The following ARHGAP6 variants were observed in gnomAD, a reference collection of about 807,000 sequenced individuals.
ARHGAP6 encodes the protein rho GTPase-activating protein 6.
A neutral mutation model predicts 55.7 loss-of-function variants in ARHGAP6; 16 were observed. The observed-to-expected ratio is 0.29, with a 90% CI of 0.19 to 0.44. ARHGAP6 has a LOEUF of 0.44. Ranked by LOEUF, ARHGAP6 falls within the 20% of genes least tolerant of loss-of-function variation. The pLI, the probability that ARHGAP6 is intolerant of heterozygous loss-of-function variation, is 1.00. For missense variants in ARHGAP6, 698 were observed against 808.9 expected, an observed-to-expected ratio of 0.86 and a Z score of 1.66; for synonymous variants, 382 against 360.9, an observed-to-expected ratio of 1.06 and a Z score of -0.66.
rs192592967 is a variant in ARHGAP6 at position 11,444,078 on chromosome X, T to A, written c.589-189371A>T. Among the ~76,000 whole-genome samples, 6 of 112,553 alleles carry A rather than the reference T, an allele frequency of 5.3e-5. No individual in the cohort carries two copies. In the East Asian group the frequency reaches 1.1e-3, roughly 21 times the overall value. ...TCTTCTGCCCATTTTTTTCATTGAG[T>A]TATCTGTTTAGAACAGAGGTTGGCA... is the stretch of plus-strand genomic sequence containing the variant. On this transcript the variant is annotated intron_variant, in intron 1 of 12. Transcript: ENST00000337414.
intron 1 of ARHGAP6, among the ~76,000 whole-genome samples, chrX:11,306,119 C>T (rs1203030743): frequency 1.8e-5 from 2 of 111,673 alleles, no homozygotes; most frequent in Admixed American, 9.5e-5. Flanking sequence ...TCTACGTTGG[C>T]TGGCACTCCT....
At chrX:11,202,665 G>A (rs1323049549) in intron 2 of ARHGAP6, among the ~76,000 whole-genome samples, 1 of 107,534 alleles carries the variant, frequency 9.3e-6, no homozygotes, top group Non-Finnish European at 1.9e-5. Flanking sequence ...AAAATTTGCT[G>A]GGTGTGATTG....
intron 1 of ARHGAP6, among the ~76,000 whole-genome samples, chrX:11,480,605 A>C (rs2050446460): frequency 8.9e-6 from 1 of 112,703 alleles, no homozygotes; most frequent in Non-Finnish European, 1.9e-5. Context: ...GAATTGTATA[A>C]GTGAATTACA....
intron 1 of ARHGAP6, among the ~76,000 whole-genome samples, chrX:11,383,017 T>C (rs1247703309): frequency 8.9e-6 from 1 of 112,244 alleles, no homozygotes; most frequent in African/African-American, 3.2e-5. Flanking sequence ...ACATTATTTA[T>C]TAGATACGTT....
intron 1 of ARHGAP6, among the ~76,000 whole-genome samples, chrX:11,596,266 C>T (rs1405792212): frequency 8.9e-6 from 1 of 111,877 alleles, no homozygotes; most frequent in African/African-American, 3.3e-5. Flanking sequence ...AGTTCATGTC[C>T]TTTGCAGGGA....
chrX:11,412,173 C>T (rs1025066947), intron 1 of ARHGAP6, among the ~76,000 whole-genome samples: 1 of 111,449 alleles, frequency 9.0e-6, no homozygotes, highest in Non-Finnish European at 1.9e-5. Flanking sequence ...AAACAGTCCC[C>T]CAAATGAGAA....
intron 2 of ARHGAP6, among the ~76,000 whole-genome samples, chrX:11,210,324 G>A (rs2046774232): frequency 1.8e-5 from 2 of 112,568 alleles, no homozygotes; most frequent in South Asian, 7.2e-4. Flanking sequence ...AATAAAGGTA[G>A]TACAGAATAA....
At chrX:11,468,173 G>C (rs954697680) in intron 1 of ARHGAP6, among the ~76,000 whole-genome samples, 46 of 111,226 alleles carry the variant, frequency 4.1e-4, no homozygotes, top group African/African-American at 1.4e-3. Flanking sequence ...CAGGGTGCTA[G>C]TTATATGACT....
chrX:11,567,441 C>G (rs1415238518), intron 1 of ARHGAP6, among the ~76,000 whole-genome samples: 2 of 107,006 alleles, frequency 1.9e-5, no homozygotes, highest in Admixed American at 1.0e-4. Context: ...GTAGTCGCAG[C>G]TACTCGGGAG....
chrX:11,601,849 C>A (rs2051978195), intron 1 of ARHGAP6, among the ~76,000 whole-genome samples: 1 of 111,640 alleles, frequency 9.0e-6, no homozygotes, highest in Non-Finnish European at 1.9e-5. Context: ...GAGAACAGAA[C>A]TCTGAGCAAC....
At chrX:11,580,999 A>G (rs2051658974) in intron 1 of ARHGAP6, among the ~76,000 whole-genome samples, 1 of 112,528 alleles carries the variant, frequency 8.9e-6, no homozygotes, top group Non-Finnish European at 1.9e-5. Context: ...ACTGCTTTTT[A>G]ACAAAGTCCC....
At chrX:11,308,596 G>A (rs774279851) in intron 1 of ARHGAP6, among the ~76,000 whole-genome samples, 6 of 111,379 alleles carry the variant, frequency 5.4e-5, no homozygotes, top group Non-Finnish European at 1.1e-4. Flanking sequence ...CCAGTCGTCA[G>A]TCATTATATA....
Position 11,139,190 on chromosome X carries a change from C to T in ARHGAP6, c.2598G>A (p.Gln866=), listed in dbSNP as rs775607685. 6 of 1,205,786 alleles carry T rather than the reference C, an allele frequency of 5.0e-6. No individual in the cohort carries two copies. The South Asian group carries it at 1.1e-4, about 21-fold the overall frequency. The change falls in exon 13 of 13, where the codon CAG becomes CAA. Residue 866 remains glutamine, a synonymous_variant. Transcript: ENST00000337414. ...TCCCACTCCCATGGGGTCTTTGGCACTGAGGTGTGGCCCGGCTCTGCAGCC... is the reference window on the plus strand; with the variant it reads ...TCCCACTCCCATGGGGTCTTTGGCATTGAGGTGTGGCCCGGCTCTGCAGCC... ...VAGLQSRATP[Q]CQRPHGSGRD... is the part of the protein sequence containing the mutation.
At chrX:11,365,836 C>T (rs756876437) in intron 1 of ARHGAP6, among the ~76,000 whole-genome samples, 1 of 111,859 alleles carries the variant, frequency 8.9e-6, no homozygotes, top group East Asian at 2.8e-4. Context: ...AGAGGAATAC[C>T]ACTGGTTTTA....
chrX:11,513,651 G>A (rs764206474), intron 1 of ARHGAP6, among the ~76,000 whole-genome samples: 7 of 110,896 alleles, frequency 6.3e-5, no homozygotes, highest in Non-Finnish European at 9.4e-5. Flanking sequence ...AGACTGAAAC[G>A]TATGAGACCC....
chrX:11,472,512 C>A (rs1022026601), intron 1 of ARHGAP6, among the ~76,000 whole-genome samples: 1 of 110,992 alleles, frequency 9.0e-6, no homozygotes, highest in Non-Finnish European at 1.9e-5. Flanking sequence ...GTGAAAAGTT[C>A]CTGAGGTGGT....
intron 1 of ARHGAP6, among the ~76,000 whole-genome samples, chrX:11,663,562 A>G (rs1263478216): frequency 8.9e-6 from 1 of 112,199 alleles, no homozygotes; most frequent in Non-Finnish European, 1.9e-5. Flanking sequence ...TGAGTCCCCT[A>G]TGTATTGTTG....
intron 1 of ARHGAP6, among the ~76,000 whole-genome samples, chrX:11,530,960 G>C (rs2051042270): frequency 8.9e-6 from 1 of 111,850 alleles, no homozygotes; most frequent in Admixed American, 9.5e-5. Flanking sequence ...TCTTCAGTTA[G>C]CAATAGGTTG....
chrX:11,573,949 T>C (rs1043140972), intron 1 of ARHGAP6, among the ~76,000 whole-genome samples: 1 of 111,704 alleles, frequency 9.0e-6, no homozygotes, highest in Admixed American at 9.5e-5. Flanking sequence ...TTTGAAGCAA[T>C]TGTGAATGGG....
Sources: gnomAD v4.1 joint callset for allele counts (sites outside exome capture counted in the v4.1 genomes callset) on GRCh38, gnomAD v4.1.1 for gene constraint, MANE v1.5 for transcripts, NCBI Gene and HGNC (gene_info 2026-07-23, HGNC 2026-07-21) for gene names.